The following ZNF85 variants were observed in gnomAD, a reference collection of about 807,000 sequenced individuals.
ZNF85 encodes zinc finger protein 85 (HPF4, HTF1).
Under a neutral mutation model 53.9 loss-of-function variants are expected in ZNF85, and 50 were observed. The observed-to-expected ratio is 0.93, with a 90% CI of 0.74 to 1.17. The LOEUF is 1.17. Ranked by LOEUF, ZNF85 falls within the 50% of genes most tolerant of loss-of-function variation. The pLI is 0.00. For synonymous variants in ZNF85, 225 were observed against 226.1 expected, an observed-to-expected ratio of 1.00 and a Z score of 0.04; for missense variants, 747 against 688.5, an observed-to-expected ratio of 1.08 and a Z score of -0.95.
In ZNF85 at chr19:20,949,163, C is replaced by CT. The variant is rs770833400; in HGVS notation, c.651dup (p.Thr218TyrfsTer2). The CT allele has an allele frequency of 3.2e-5, 52 of 1,613,510 alleles. No homozygotes were observed. Among genetic ancestry groups the CT allele is most frequent in the Middle Eastern group, 1.7e-4 (1 of 6,052 alleles). ...AAAAGCCTTTAACTGGTCCTCAACC[C>CT]TTACTAAACATAAGAGAATTCATAC... On this transcript the variant is annotated frameshift_variant, in exon 4 of 4. Transcript: ENST00000328178. LOFTEE classifies it high-confidence loss of function.
chr19:20,933,330 A>G (rs983092259), intron 1 of ZNF85, among the ~76,000 whole-genome samples: 1 of 151,896 alleles, frequency 6.6e-6, no homozygotes, highest in Admixed American at 6.6e-5. Flanking sequence ...GCTAATGTGC[A>G]TAAACCATCA....
chr19:20,927,213 G>A (rs542727812), intron 1 of ZNF85: 2 of 151,970 alleles, frequency 1.3e-5, no homozygotes, highest in East Asian at 1.9e-4. Flanking sequence ...CAGCACTTTG[G>A]GAGGCTGAGA....
chr19:20,926,029 A>G (rs35355399), intron 1 of ZNF85, among the ~76,000 whole-genome samples: 14,356 of 152,248 alleles, frequency 0.094, 805 homozygotes, highest in Non-Finnish European at 0.12. Flanking sequence ...AAATTTTCTC[A>G]GGTGTGCTTA....
chr19:20,946,000 A>G (rs1399455966), intron 3 of ZNF85, among the ~76,000 whole-genome samples: 1 of 148,994 alleles, frequency 6.7e-6, no homozygotes, highest in African/African-American at 2.5e-5. Context: ...TTAATTTTGT[A>G]GCTTTGTACT....
chr19:20,935,043 C>A lies in ZNF85; in HGVS notation c.225C>A (p.Pro75=). 2 of 1,606,122 alleles carry A rather than the reference C, an allele frequency of 1.2e-6. No individual in the cohort carries two copies. Among genetic ancestry groups the A allele is most frequent in the Non-Finnish European group, 1.7e-6 (2 of 1,175,670 alleles). ...GACATGAGATCATGGTGGCCAAACC[C>A]ACAGGTAGGTGAAAGTGAAAATGAA... ...MKRHEIMVAK[P]TVMCSHFAQD... The change falls in exon 3 of 4, where the codon CCC becomes CCA. Residue 75 remains proline, a synonymous_variant. Coordinates refer to ENST00000328178, the MANE Select transcript of ZNF85 (RefSeq NM_003429.5).
At chr19:20,928,675 C>T (rs756055158) in intron 1 of ZNF85, 1 of 152,332 alleles carries the variant, frequency 6.6e-6, no homozygotes, top group Non-Finnish European at 1.5e-5. Context: ...AGTCTCCTGG[C>T]ATATCCCAAC....
chr19:20,929,430 C>T (rs1389164577), intron 1 of ZNF85, among the ~76,000 whole-genome samples: 1 of 150,756 alleles, frequency 6.6e-6, no homozygotes, highest in Non-Finnish European at 1.5e-5. Context: ...CTTGTGATCC[C>T]ACCTCAGCCT....
intron 3 of ZNF85, among the ~76,000 whole-genome samples, chr19:20,942,567 T>A (rs11669186): frequency 0.13 from 19,037 of 152,222 alleles, 1,226 homozygotes; most frequent in South Asian, 0.15. Flanking sequence ...TCTAGTTAGA[T>A]TATATTGAAT....
chr19:20,923,454 C>T lies in ZNF85; in HGVS notation c.3+51C>T, dbSNP rs150744715. On this transcript the variant is annotated intron_variant, in intron 1 of 3. Transcript: ENST00000328178. ...GAGGGGGAAAGGGGTTGGTTGAAAC[C>T]GGTGGGAAGCGGCTGTGGCGGGACT... The T allele has an allele frequency of 7.2e-4, 1,158 of 1,612,738 alleles. 9 individuals carry two copies. The African/African-American group carries it at 0.01, about 15-fold the overall frequency.
chr19:20,950,183 AAG>A lies in ZNF85; in HGVS notation c.1673_1674del (p.Arg558AsnfsTer11), dbSNP rs1483909480. 1 of 1,613,242 alleles carries A rather than the reference AAG, an allele frequency of 6.2e-7. No homozygotes were observed. Among genetic ancestry groups the A allele is most frequent in the South Asian group, 1.1e-5 (1 of 90,908 alleles). On this transcript the variant is annotated frameshift_variant, in exon 4 of 4. Transcript: ENST00000328178. LOFTEE classifies it high-confidence loss of function. ...CCAGTCCTCAAACCTTACTAAACAT[AAG>A]AGAATTCATACTGGAGAAAAACCTT... is the stretch of plus-strand genomic sequence containing the variant. Reference protein sequence around the residue: ...FNQSSNLTKHKRIHTGEKPYK... With the variant: ...FNQSSNLTKHXRIHTGEKPYK...
Position 20,950,083 on chromosome 19 carries a change from A to C in ZNF85, c.1569A>C (p.Ser523=), listed in dbSNP as rs1336909203. 6.2e-7 allele frequency: 1 copy of C among 1,613,286 alleles called. No individual in the cohort carries two copies. The highest frequency in any genetic ancestry group is 1.7e-5 in the Admixed American group (1 of 59,994). Residue 523 remains serine (S), a synonymous_variant, in exon 4 of 4, where the codon TCA becomes TCC. Coordinates refer to ENST00000328178, the MANE Select transcript of ZNF85 (RefSeq NM_003429.5). ...GTGGCAAAGCTTTTAACCAATCCTC[A>C]AAACTTACCAAACATAAGAAAATTC... ...EECGKAFNQS[S]KLTKHKKIHT... is the part of the protein sequence containing the mutation.
intron 1 of ZNF85, among the ~76,000 whole-genome samples, chr19:20,930,108 A>G (rs1364699953): frequency 7.7e-6 from 1 of 129,816 alleles, no homozygotes; most frequent in African/African-American, 2.9e-5. Context: ...GTGACAGAGC[A>G]AGACTCCGTC....
At chr19:20,943,360 C>G (rs1426566878) in intron 3 of ZNF85, 3 of 152,352 alleles carry the variant, frequency 2.0e-5, no homozygotes, top group Non-Finnish European at 4.4e-5. Flanking sequence ...AGTTTACACT[C>G]TGTTAATTCA....
intron 3 of ZNF85, among the ~76,000 whole-genome samples, chr19:20,938,030 C>A (rs955348626): frequency 6.6e-6 from 1 of 152,146 alleles, no homozygotes; most frequent in Admixed American, 6.5e-5. Flanking sequence ...CTCTTAGAGG[C>A]ACTTATTTTG....
chr19:20,949,682 A>T lies in ZNF85; in HGVS notation c.1168A>T (p.Ile390Leu). ...TTTCTCACACCTTACTACACATAAG[A>T]TAATTCATACTGGAGAGAAACCTTA... ...NHFSHLTTHK[I>L]IHTGEKPYKC... The change falls in exon 4 of 4, where the codon ATA becomes TTA. Residue 390 changes from isoleucine to leucine, a missense_variant. Coordinates refer to ENST00000328178, the MANE Select transcript of ZNF85 (RefSeq NM_003429.5). The T allele has an allele frequency of 6.2e-7, 1 of 1,613,300 alleles. No homozygotes were observed. The highest frequency in any genetic ancestry group is 8.5e-7 in the Non-Finnish European group (1 of 1,179,524).
At chr19:20,936,701 G>A in intron 3 of ZNF85, 1 of 154,822 alleles carries the variant, frequency 6.5e-6, no homozygotes. Context: ...ATAGGAACAG[G>A]CTATGACCTA....
intron 1 of ZNF85, among the ~76,000 whole-genome samples, chr19:20,932,102 G>A (rs1973037185): frequency 6.6e-6 from 1 of 152,174 alleles, no homozygotes; most frequent in African/African-American, 2.4e-5. Flanking sequence ...GGGTCTGGTG[G>A]TAGCAGATGA....
rs1170083422 is a variant in ZNF85 at position 20,949,740 on chromosome 19, A to T, written c.1226A>T (p.His409Leu). Residue 409 changes from histidine to leucine, a missense_variant, in exon 4 of 4, where the codon CAC (histidine) becomes CTC (leucine). His to Leu is a moderately conservative substitution (Grantham distance 99). Coordinates refer to ENST00000328178, the MANE Select transcript of ZNF85 (RefSeq NM_003429.5). ...AAAGAATGTGGTAAAGCTTTTAAAC[A>T]CTCTTCAACCCTTACTAAACATAAG... is the stretch of plus-strand genomic sequence containing the variant. The part of the protein sequence containing the change: ...KCKECGKAFK[H>L]SSTLTKHKII... 23 of 1,612,186 alleles carry T rather than the reference A, an allele frequency of 1.4e-5. No homozygotes were observed. Among genetic ancestry groups the T allele is most frequent in the Middle Eastern group, 3.3e-4 (2 of 6,066 alleles).
chr19:20,941,493 C>T (rs1207897733), intron 3 of ZNF85, among the ~76,000 whole-genome samples: 1 of 152,116 alleles, frequency 6.6e-6, no homozygotes, highest in African/African-American at 2.4e-5. Context: ...GAACTCCTGA[C>T]CTCAAGTGAT....
Sources: allele counts gnomAD v4.1 joint callset (sites outside exome capture counted in the v4.1 genomes callset), GRCh38; gene constraint gnomAD v4.1.1; transcripts MANE v1.5; gene names NCBI Gene and HGNC (gene_info 2026-07-23, HGNC 2026-07-21).